ZBTB40: variants seen among roughly 807,000 people sequenced by gnomAD.
ZBTB40 encodes the protein zinc finger and BTB domain-containing protein 40.
Under a neutral mutation model 117.5 loss-of-function variants are expected in ZBTB40, and 60 were observed. The ratio of observed to expected loss-of-function variants is 0.51; its 90% CI spans 0.41 to 0.63. The LOEUF (loss-of-function observed/expected upper bound fraction) is 0.63, where lower values mean the gene tolerates loss of function less well. Ranked by LOEUF, ZBTB40 falls within the 30% of genes least tolerant of loss-of-function variation. ZBTB40 has a pLI of 0.00. For synonymous variants in ZBTB40, 525 were observed against 577.1 expected, an observed-to-expected ratio of 0.91 and a Z score of 1.29; for missense variants, 1,287 against 1,498.5, an observed-to-expected ratio of 0.86 and a Z score of 2.33.
intron 1 of ZBTB40, among the ~76,000 whole-genome samples, chr1:22,446,650 ACT>A (rs1640792766): frequency 6.6e-6 from 1 of 151,930 alleles, no homozygotes; most frequent in Non-Finnish European, 1.5e-5. Flanking sequence ...TTGAGGGAAA[ACT>A]CCACCGAACT....
rs1323124281 is a variant in ZBTB40, at chr1:22,513,186, C to T, written c.2668+56C>T. The T allele has an allele frequency of 3.6e-5, 56 of 1,572,684 alleles. No individual in the cohort carries two copies. The highest frequency in any genetic ancestry group is 2.7e-5 in the Non-Finnish European group (31 of 1,155,096). Reference sequence around the variant, plus strand: ...AGACTTTCACTGCGAACTGCCTAAACCCCATTTGGATTAGGTGTGATATAT... The same window carrying T: ...AGACTTTCACTGCGAACTGCCTAAATCCCATTTGGATTAGGTGTGATATAT... On this transcript the variant is annotated intron_variant, in intron 12 of 17. Transcript: ENST00000375647. The surrounding 1 kb of genome is among the most constrained non-coding windows in gnomAD (Gnocchi z 4.9).
intron 1 of ZBTB40, among the ~76,000 whole-genome samples, chr1:22,438,012 C>A (rs934917949): frequency 1.6e-4 from 25 of 152,194 alleles, no homozygotes; most frequent in African/African-American, 5.8e-4. Context: ...TGCCGGTAAT[C>A]CCAGCTACTT....
At position 22,526,548 on chromosome 1, in the gene ZBTB40, C is replaced by T. The variant is rs1639684019; in HGVS notation, c.*152C>T. ...GTCTCACCTAGAAAACAGATGGAAG[C>T]TTCGTTGTTCTCATAGAACCAACAG... On this transcript the variant is annotated 3_prime_UTR_variant, in exon 18 of 18. Transcript: ENST00000375647. The T allele has an allele frequency of 8.2e-6, 8 of 973,886 alleles. No homozygotes were observed. The Admixed American group carries it at 1.2e-4, about 15-fold the overall frequency. The allele number at this position is 973,886 out of a possible 1,614,324, so 60.3% of individuals were successfully genotyped here.
intron 1 of ZBTB40, among the ~76,000 whole-genome samples, chr1:22,431,728 T>C (rs1457155450): frequency 9.4e-6 from 1 of 105,996 alleles, no homozygotes; most frequent in Admixed American, 1.0e-4. Flanking sequence ...AAGAGTGAAA[T>C]GCCATCTCAA....
intron 1 of ZBTB40, among the ~76,000 whole-genome samples, chr1:22,440,107 T>A (rs1640713979): frequency 6.6e-6 from 1 of 152,226 alleles, no homozygotes; most frequent in East Asian, 1.9e-4. Context: ...TTTTTGTAAT[T>A]TCCTTTTCAG....
intron 1 of ZBTB40, among the ~76,000 whole-genome samples, chr1:22,489,044 G>A (rs1557501306): frequency 6.6e-6 from 1 of 152,224 alleles, no homozygotes; most frequent in South Asian, 2.1e-4. Context: ...GAACTAGAAG[G>A]ACAGAATTGC....
intron 1 of ZBTB40, among the ~76,000 whole-genome samples, chr1:22,443,073 G>GA (rs1266738439): frequency 6.6e-6 from 1 of 152,072 alleles, no homozygotes; most frequent in Admixed American, 6.5e-5. Flanking sequence ...AGGGGAAGAA[G>GA]AAAAAATAAT....
At chr1:22,465,715 G>T (rs1044501699) in intron 1 of ZBTB40, among the ~76,000 whole-genome samples, 6 of 151,936 alleles carry the variant, frequency 3.9e-5, no homozygotes, top group African/African-American at 1.4e-4. Flanking sequence ...GGCCTTCCCA[G>T]ACCCCCAAGA....
At chr1:22,467,264 A>G (rs1641279129) in intron 1 of ZBTB40, among the ~76,000 whole-genome samples, 1 of 152,206 alleles carries the variant, frequency 6.6e-6, no homozygotes. Context: ...TAACTCTGGT[A>G]AAACATTCAA....
chr1:22,438,131 G>A (rs1428280642), intron 1 of ZBTB40, among the ~76,000 whole-genome samples: 1 of 151,500 alleles, frequency 6.6e-6, no homozygotes, highest in Admixed American at 6.6e-5. Flanking sequence ...ACTCCATCTC[G>A]AAAAAAACAA....
At chr1:22,462,532 G>A (rs955103034) in intron 1 of ZBTB40, among the ~76,000 whole-genome samples, 2 of 152,136 alleles carry the variant, frequency 1.3e-5, no homozygotes, top group African/African-American at 2.4e-5. Context: ...TCGTCTTTAC[G>A]TTCCACTTAG....
At chr1:22,491,620 C>A in intron 3 of ZBTB40, 87 bp downstream of exon 3, 2 of 1,424,564 alleles carry the variant, frequency 1.4e-6, no homozygotes, top group Non-Finnish European at 1.9e-6. Flanking sequence ...AGAAATAGCC[C>A]AGGGTTTCAA....
intron 1 of ZBTB40, among the ~76,000 whole-genome samples, chr1:22,480,095 C>T (rs1042052767): frequency 3.9e-5 from 6 of 152,106 alleles, no homozygotes; most frequent in Non-Finnish European, 8.8e-5. Context: ...TTAGTAGAGA[C>T]GGTGTTTCGC....
intron 3 of ZBTB40, 99 bp downstream of exon 3, chr1:22,491,632 G>T (rs2124432221): frequency 7.0e-5 from 87 of 1,244,022 alleles, no homozygotes; most frequent in African/African-American, 1.6e-4. Context: ...GGGTTTCAAT[G>T]TTTTGAAACT....
chr1:22,488,677 A>G (rs1257274955), intron 1 of ZBTB40, among the ~76,000 whole-genome samples: 1 of 152,238 alleles, frequency 6.6e-6, no homozygotes, highest in Non-Finnish European at 1.5e-5. Flanking sequence ...TTGCTAGGCC[A>G]TTGTAAGAAC....
At chr1:22,429,790 C>T (rs1024384942) in intron 1 of ZBTB40, among the ~76,000 whole-genome samples, 1 of 152,006 alleles carries the variant, frequency 6.6e-6, no homozygotes, top group Non-Finnish European at 1.5e-5. Context: ...GTTGGGAGTT[C>T]GAGACCAGTC....
chr1:22,444,234 A>G (rs1427955440), intron 1 of ZBTB40, among the ~76,000 whole-genome samples: 1 of 152,100 alleles, frequency 6.6e-6, no homozygotes, highest in Non-Finnish European at 1.5e-5. Flanking sequence ...CAAACATGCG[A>G]AAACTCATCT....
intron 3 of ZBTB40, among the ~76,000 whole-genome samples, chr1:22,495,411 A>G (rs1349293852): frequency 6.6e-6 from 1 of 152,188 alleles, no homozygotes; most frequent in African/African-American, 2.4e-5. Flanking sequence ...GTGACCTAAG[A>G]GGTCACTTCT....
In ZBTB40 at chr1:22,530,841, G is replaced by T. The variant is rs1204891747; in HGVS notation, c.*4445G>T. On this transcript the variant is annotated 3_prime_UTR_variant, in exon 18 of 18. Coordinates refer to ENST00000375647, the MANE Select transcript of ZBTB40 (RefSeq NM_014870.4). ...TGAGGCCGTGTTAACATGGCCTGGG[G>T]GAAAGAAAGCTCTCCTGTCACTTGG... 1 of 152,122 alleles carries T rather than the reference G, an allele frequency of 6.6e-6. No individual in the cohort carries two copies. The highest frequency in any genetic ancestry group is 1.5e-5 in the Non-Finnish European group (1 of 68,024). The allele number at this position is 152,122 out of a possible 1,614,324, so 9.4% of individuals were successfully genotyped here.
Sources: allele counts gnomAD v4.1 joint callset (sites outside exome capture counted in the v4.1 genomes callset), GRCh38; gene constraint gnomAD v4.1.1; non-coding constraint Gnocchi (gnomAD v3.1); transcripts MANE v1.5; gene names NCBI Gene and HGNC (gene_info 2026-07-23, HGNC 2026-07-21).